The following ABHD6 variants were observed in gnomAD, a reference collection of about 807,000 sequenced individuals.
ABHD6 encodes monoacylglycerol lipase ABHD6.
In ABHD6, 33 loss-of-function variants were observed where a neutral mutation model predicts 38.8. The observed-to-expected ratio is 0.85, with a 90% CI of 0.64 to 1.14. The LOEUF (loss-of-function observed/expected upper bound fraction) is 1.14, where lower values mean the gene tolerates loss of function less well. ABHD6 is among the 50% of genes most tolerant of loss of function. The pLI, the probability that ABHD6 is intolerant of heterozygous loss-of-function variation, is 0.00. For synonymous variants in ABHD6, 147 were observed against 161.6 expected, an observed-to-expected ratio of 0.91 and a Z score of 0.69; for missense variants, 380 against 422.6, an observed-to-expected ratio of 0.90 and a Z score of 0.88.
chr3:58,273,388 C>T lies in ABHD6; in HGVS notation c.524-1270C>T, dbSNP rs2097446409. 6.6e-6 allele frequency among the ~76,000 whole-genome samples: 1 copy of T among 151,708 alleles called. No homozygotes were observed. The highest frequency in any genetic ancestry group is 1.9e-4 in the East Asian group (1 of 5,170). On this transcript the variant is annotated intron_variant, in intron 6 of 9. Coordinates refer to ENST00000478253, the MANE Select transcript of ABHD6 (RefSeq NM_001320126.2). This position sits in a 1 kb window ranked among gnomAD's most constrained non-coding sequence, Gnocchi z 4.8. ...CAGCCTAAGGGAGACCCCATCTCTG[C>T]AAAAATATAAAATTAAAAAAAAATC...
intron 3 of ABHD6, among the ~76,000 whole-genome samples, chr3:58,262,632 A>G (rs1272282868): frequency 1.3e-5 from 2 of 152,202 alleles, no homozygotes; most frequent in Non-Finnish European, 2.9e-5. Context: ...TGTGAATTAG[A>G]GGTAATCTAT....
In ABHD6 at chr3:58,294,294, A is replaced by C. The variant is rs1005157925; in HGVS notation, c.*529A>C. On this transcript the variant is annotated 3_prime_UTR_variant, in exon 10 of 10. Coordinates refer to ENST00000478253, the MANE Select transcript of ABHD6 (RefSeq NM_001320126.2). Reference sequence around the variant, plus strand: ...TGCAAGACCAGGGAGGAAAGTGGCAAGCTGTAGAAAATGTTTACACGCATG... The same window carrying C: ...TGCAAGACCAGGGAGGAAAGTGGCACGCTGTAGAAAATGTTTACACGCATG... The C allele has an allele frequency of 1.3e-5, 2 of 153,308 alleles. No individual in the cohort carries two copies. Among genetic ancestry groups the C allele is most frequent in the African/African-American group, 4.8e-5 (2 of 41,448 alleles). The allele number at this position is 153,308 out of a possible 1,614,324, so 9.5% of individuals were successfully genotyped here.
Position 58,269,408 on chromosome 3 carries a change from G to C in ABHD6, c.364G>C (p.Asp122His), listed in dbSNP as rs774998296. The change falls in exon 5 of 10, where the codon GAT (aspartate) becomes CAT (histidine). Residue 122 changes from aspartate to histidine, a missense_variant. Asp to His is a moderately conservative substitution (Grantham distance 81, BLOSUM62 -1). Coordinates refer to ENST00000478253, the MANE Select transcript of ABHD6 (RefSeq NM_001320126.2). The surrounding 1 kb of genome is among the most constrained non-coding windows in gnomAD (Gnocchi z 4.4). ...TRSSLDDLSI[D>H]GQVKRIHQFV... ...CTCCTCCCTGGATGACCTGTCCATA[G>C]ATGGGCAAGTTAAGAGGATACACCA... is the stretch of plus-strand genomic sequence containing the variant. 4 of 1,613,812 alleles carry C rather than the reference G, an allele frequency of 2.5e-6. No individual in the cohort carries two copies. The highest frequency in any genetic ancestry group is 3.4e-6 in the Non-Finnish European group (4 of 1,179,828).
chr3:58,241,028 C>A (rs2107409268), intron 1 of ABHD6, among the ~76,000 whole-genome samples: 1 of 152,216 alleles, frequency 6.6e-6, no homozygotes, highest in Middle Eastern at 3.4e-3. Context: ...CCGCGCCCGG[C>A]CAAACCTGGA....
chr3:58,259,886 C>T lies in ABHD6; in HGVS notation c.119+3181C>T, dbSNP rs2097435837. On this transcript the variant is annotated intron_variant, in intron 3 of 9. Transcript: ENST00000478253. The surrounding 1 kb of genome is among the most constrained non-coding windows in gnomAD (Gnocchi z 4.7). ...TCTTCTGGCAACCACTCATCTACTTCCTGTCTTTTTAGATGTGCCCATTAC... is the reference window on the plus strand; with the variant it reads ...TCTTCTGGCAACCACTCATCTACTTTCTGTCTTTTTAGATGTGCCCATTAC... 6.6e-6 allele frequency among the ~76,000 whole-genome samples: 1 copy of T among 152,142 alleles called. No homozygotes were observed. The highest frequency in any genetic ancestry group is 1.5e-5 in the Non-Finnish European group (1 of 68,042).
intron 3 of ABHD6, among the ~76,000 whole-genome samples, chr3:58,264,401 A>G (rs879384342): frequency 0.1 from 6,829 of 66,496 alleles, 265 homozygotes; most frequent in South Asian, 0.16. Flanking sequence ...ACACACACAC[A>G]CACACACACA....
At chr3:58,250,678 G>T (rs190737932) in intron 2 of ABHD6, among the ~76,000 whole-genome samples, 1 of 152,184 alleles carries the variant, frequency 6.6e-6, no homozygotes, top group Admixed American at 6.5e-5. Flanking sequence ...TACATTCCTA[G>T]TAAATGTTGA....
At chr3:58,254,944 C>G (rs1326639268) in intron 2 of ABHD6, among the ~76,000 whole-genome samples, 1 of 151,934 alleles carries the variant, frequency 6.6e-6, no homozygotes, top group East Asian at 1.9e-4. Context: ...TCTTCAATGC[C>G]TGGCCTCAAG....
chr3:58,271,336 A>T (rs1053425765), intron 6 of ABHD6, among the ~76,000 whole-genome samples: 2 of 92,582 alleles, frequency 2.2e-5, no homozygotes, highest in East Asian at 3.8e-3. Context: ...TAAAATTTAA[A>T]AAAAAAAAAA....
chr3:58,267,814 C>T lies in ABHD6; in HGVS notation c.276+469C>T, dbSNP rs1043287535. 1.3e-5 allele frequency among the ~76,000 whole-genome samples: 2 copies of T among 152,156 alleles called. No individual in the cohort carries two copies. Among genetic ancestry groups the T allele is most frequent in the Non-Finnish European group, 2.9e-5 (2 of 68,034 alleles). On this transcript the variant is annotated intron_variant, in intron 4 of 9. Transcript: ENST00000478253. The surrounding 1 kb of genome is among the most constrained non-coding windows in gnomAD (Gnocchi z 4.3). ...TGCAGTGTGGCCTGGCACAGTGGCT[C>T]ATACCTGTAATCCCAGCACTTTGGG...
chr3:58,262,097 G>A (rs2097437387), intron 3 of ABHD6, among the ~76,000 whole-genome samples: 1 of 152,112 alleles, frequency 6.6e-6, no homozygotes, highest in Non-Finnish European at 1.5e-5. Flanking sequence ...GACACAAAAG[G>A]ACAAATTTTG....
At chr3:58,250,056 A>C (rs1204740451) in intron 2 of ABHD6, 114 bp downstream of exon 2, 2 of 152,180 alleles carry the variant, frequency 1.3e-5, no homozygotes, top group East Asian at 3.9e-4. Context: ...AGTGTGCTGC[A>C]TGATTTTTCT....
rs1249680968 is a variant in ABHD6 at position 58,266,308 on chromosome 3, G to T, written c.120-881G>T. Among the ~76,000 whole-genome samples the T allele has an allele frequency of 1.3e-5, 2 of 152,074 alleles. No individual in the cohort carries two copies. Among genetic ancestry groups the T allele is most frequent in the African/African-American group, 4.8e-5 (2 of 41,406 alleles). On this transcript the variant is annotated intron_variant, in intron 3 of 9. Transcript: ENST00000478253. This position sits in a 1 kb window ranked among gnomAD's most constrained non-coding sequence, Gnocchi z 4.0. ...TACTAAAAATACAAAAATTAGGCAG[G>T]CATGGTGGTGTGCACCTGTAACCCT... is the stretch of plus-strand genomic sequence containing the variant.
chr3:58,254,121 GGTA>G (rs2097431682), intron 2 of ABHD6, among the ~76,000 whole-genome samples: 1 of 152,212 alleles, frequency 6.6e-6, no homozygotes, highest in Non-Finnish European at 1.5e-5. Flanking sequence ...TTGGTGCAAA[GGTA>G]GTAGATTGGA....
In ABHD6 at chr3:58,289,547, GC is replaced by G. The variant is rs779075573; in HGVS notation, c.838-4041del. On this transcript the variant is annotated intron_variant, in intron 9 of 9. Transcript: ENST00000478253. ...CACATGTTTCAGAGAGCACAGGGTT[GC>G]GGGGTAAGGTCACAGATCAACAGGA... is the stretch of plus-strand genomic sequence containing the variant. Among the ~76,000 whole-genome samples the G allele has an allele frequency of 7.2e-3, 1,087 of 151,570 alleles. 9 individuals are homozygous for G. Among genetic ancestry groups the G allele is most frequent in the African/African-American group, 0.025 (1,006 of 40,964 alleles).
At chr3:58,253,308 A>G (rs909158240) in intron 2 of ABHD6, among the ~76,000 whole-genome samples, 2 of 152,324 alleles carry the variant, frequency 1.3e-5, no homozygotes, top group South Asian at 4.1e-4. Context: ...CTGAATTTAC[A>G]GTGGCCCCCA....
intron 9 of ABHD6, among the ~76,000 whole-genome samples, chr3:58,290,137 T>A (rs1405146142): frequency 1.0e-5 from 1 of 100,476 alleles, no homozygotes; most frequent in African/African-American, 4.4e-5. Context: ...GCCCCTCACC[T>A]CCCGGACGGG....
At chr3:58,289,873 C>CA (rs1164252922) in intron 9 of ABHD6, among the ~76,000 whole-genome samples, 21 of 115,376 alleles carry the variant, frequency 1.8e-4, no homozygotes, top group African/African-American at 8.3e-4. Flanking sequence ...GGCTGACCCC[C>CA]CCACCTCCCT....
At chr3:58,255,923 G>A (rs1296020134) in intron 2 of ABHD6, among the ~76,000 whole-genome samples, 2 of 152,158 alleles carry the variant, frequency 1.3e-5, no homozygotes, top group Admixed American at 6.5e-5. Flanking sequence ...GGGATTACAG[G>A]TGTGAGCCAC....
Sources: allele counts gnomAD v4.1 joint callset (sites outside exome capture counted in the v4.1 genomes callset), GRCh38; gene constraint gnomAD v4.1.1; non-coding constraint Gnocchi (gnomAD v3.1); transcripts MANE v1.5; gene names NCBI Gene and HGNC (gene_info 2026-07-23, HGNC 2026-07-21).